Variants in TENM4 observed in about 807,000 individuals in gnomAD.
TENM4 encodes the protein teneurin transmembrane protein 4, also known as teneurin-4.
A neutral mutation model predicts 243.3 loss-of-function variants in TENM4; 82 were observed. The ratio of observed to expected loss-of-function variants is 0.34; its 90% CI spans 0.28 to 0.40. The LOEUF is 0.40. Among genes scored for constraint, TENM4 ranks in the 10% least tolerant of loss-of-function variants. The probability of loss-of-function intolerance (pLI) is 1.00; values close to 1 mark genes in which losing one functional copy is unlikely to be tolerated. For missense variants in TENM4, 3,138 were observed against 3,673.3 expected (o/e 0.85, Z 3.77); for synonymous variants, 1,412 against 1,456.3 (o/e 0.97, Z 0.69).
At chr11:79,225,253 G>C (rs1475938579) in intron 2 of TENM4, among the ~76,000 whole-genome samples, 2 of 152,222 alleles carry the variant, frequency 1.3e-5, no homozygotes, top group Non-Finnish European at 2.9e-5. Flanking sequence ...TCTGCAGTGA[G>C]AGAAGGAAGC....
At chr11:78,995,817 A>G (rs1442667299) in intron 6 of TENM4, among the ~76,000 whole-genome samples, 1 of 151,916 alleles carries the variant, frequency 6.6e-6, no homozygotes, top group Non-Finnish European at 1.5e-5. Context: ...TCCTGGATTG[A>G]CCATTTTACT....
intron 1 of TENM4, among the ~76,000 whole-genome samples, chr11:79,348,530 C>T (rs377290883): frequency 6.6e-6 from 1 of 152,140 alleles, no homozygotes; most frequent in South Asian, 2.1e-4. Flanking sequence ...GAATTAACCC[C>T]CACTGTGATG....
At chr11:79,037,421 G>A (rs1289968490) in intron 6 of TENM4, among the ~76,000 whole-genome samples, 1 of 152,236 alleles carries the variant, frequency 6.6e-6, no homozygotes, top group Non-Finnish European at 1.5e-5. Flanking sequence ...AGGGTCTAAT[G>A]AGAATCTCCT....
In TENM4 at chr11:79,364,623, A is replaced by T. The variant is rs1306056181; in HGVS notation, c.-320-67080T>A. 3.3e-5 allele frequency among the ~76,000 whole-genome samples: 5 copies of T among 152,248 alleles called. No individual in the cohort carries two copies. In the East Asian group the frequency reaches 9.6e-4, roughly 29 times the overall value. On this transcript the variant is annotated intron_variant, in intron 1 of 33. Coordinates refer to ENST00000278550, the MANE Select transcript of TENM4 (RefSeq NM_001098816.3). Reference sequence around the variant, plus strand: ...TGAGCACTTATTAAACATCTGTTACATGACATCTGCACTATCTAATTTAAT... The same window carrying T: ...TGAGCACTTATTAAACATCTGTTACTTGACATCTGCACTATCTAATTTAAT...
intron 6 of TENM4, among the ~76,000 whole-genome samples, chr11:79,064,333 G>A (rs1400769790): frequency 6.6e-6 from 1 of 152,140 alleles, no homozygotes; most frequent in East Asian, 1.9e-4. Flanking sequence ...GTTCCTAGAG[G>A]TTGCCCAGGA....
chr11:79,235,429 G>A (rs1864447138), intron 2 of TENM4, among the ~76,000 whole-genome samples: 1 of 152,192 alleles, frequency 6.6e-6, no homozygotes, highest in Non-Finnish European at 1.5e-5. Context: ...GACGGATGAA[G>A]CTCCTGCTGC....
At chr11:79,367,105 G>T (rs1466382559) in intron 1 of TENM4, among the ~76,000 whole-genome samples, 4 of 152,120 alleles carry the variant, frequency 2.6e-5, no homozygotes, top group African/African-American at 9.7e-5. Context: ...ATACAAATTG[G>T]CTGGATCACT....
At chr11:79,106,535 C>CCT in intron 4 of TENM4, among the ~76,000 whole-genome samples, 1 of 152,204 alleles carries the variant, frequency 6.6e-6, no homozygotes, top group Non-Finnish European at 1.5e-5. Flanking sequence ...AAGAGCTAAG[C>CCT]AGTGCCTGCC....
intron 6 of TENM4, among the ~76,000 whole-genome samples, chr11:78,974,723 CTTT>C (rs5792830): frequency 4.6e-5 from 6 of 129,222 alleles, no homozygotes; most frequent in Admixed American, 1.5e-4. Flanking sequence ...CTTTTCTTTT[CTTT>C]TTTTTTTTTT....
At chr11:79,345,421 A>C (rs2135467714) in intron 1 of TENM4, among the ~76,000 whole-genome samples, 1 of 152,332 alleles carries the variant, frequency 6.6e-6, no homozygotes, top group Middle Eastern at 3.4e-3. Context: ...TTATTTGATT[A>C]CTAATAACAA....
rs1373214011 is a variant in TENM4 at position 78,722,665 on chromosome 11, T to C, written c.3800+3A>G. 1.2e-6 allele frequency: 2 copies of C among 1,610,698 alleles called. No individual in the cohort carries two copies. Among genetic ancestry groups the C allele is most frequent in the Non-Finnish European group, 1.7e-6 (2 of 1,177,186 alleles). ...ACTATGAAGAAAGCATCACCTTACA[T>C]ACCTCAGCTCTAGGATGTTGGTGAC... On this transcript the variant is annotated splice_donor_region_variant and intron_variant, in intron 24 of 33. Transcript: ENST00000278550.
intron 4 of TENM4, among the ~76,000 whole-genome samples, chr11:79,080,885 T>A (rs1225373793): frequency 6.6e-6 from 1 of 152,144 alleles, no homozygotes; most frequent in Non-Finnish European, 1.5e-5. Flanking sequence ...TTTCCTGACT[T>A]TCTCTGGGCT....
Position 78,669,560 on chromosome 11 carries a change from C to T in TENM4, c.6785G>A (p.Arg2262Lys), listed in dbSNP as rs1170172424. 6.2e-7 allele frequency: 1 copy of T among 1,613,998 alleles called. No homozygotes were observed. Among genetic ancestry groups the T allele is most frequent in the Admixed American group, 1.7e-5 (1 of 60,026 alleles). Residue 2262 changes from arginine (R) to lysine (K), a missense_variant, in exon 32 of 34, where the codon AGG (arginine) becomes AAG (lysine). Around this residue, in one of 2 missense-constraint regions of TENM4, gnomAD observed 2,467 missense variants for 3,059.1 expected, o/e 0.81. Transcript: ENST00000278550. This position sits in a 1 kb window ranked among gnomAD's most constrained non-coding sequence, Gnocchi z 6.4. Reference sequence around the variant, plus strand: ...CTCAAAGATATCACCGCCCCGCTGCCTCAGGAAGCCATCCTCATCCATCTT... The same window carrying T: ...CTCAAAGATATCACCGCCCCGCTGCTTCAGGAAGCCATCCTCATCCATCTT... ...QYKMDEDGFL[R>K]QRGGDIFEYN...
chr11:78,812,180 G>T lies in TENM4; in HGVS notation c.1920C>A (p.Thr640=). 6.4e-7 allele frequency: 1 copy of T among 1,551,854 alleles called. No individual in the cohort carries two copies. Among genetic ancestry groups the T allele is most frequent in the Non-Finnish European group, 8.7e-7 (1 of 1,147,048 alleles). ...TGCAGATGCAGGTGCCCGTGATGCA[G>T]GTGCCATGGTTGCTGCAGGCCACAT... ...CIDVACSNHG[T]CITGTCICNP... The change falls in exon 14 of 34, where the codon ACC becomes ACA. Residue 640 remains threonine, a synonymous_variant. Transcript: ENST00000278550.
intron 11 of TENM4, among the ~76,000 whole-genome samples, chr11:78,854,964 A>G (rs1366392702): frequency 2.0e-5 from 3 of 152,196 alleles, no homozygotes; most frequent in African/African-American, 7.2e-5. Context: ...TGCTTGTGTG[A>G]GACTCCAGAA....
intron 4 of TENM4, among the ~76,000 whole-genome samples, chr11:79,075,950 C>T (rs1860526699): frequency 6.6e-6 from 1 of 152,222 alleles, no homozygotes; most frequent in South Asian, 2.1e-4. Flanking sequence ...GACAGCTCAC[C>T]ATCTCTCTGG....
chr11:78,981,964 C>T (rs1451738522), intron 6 of TENM4, among the ~76,000 whole-genome samples: 3 of 152,108 alleles, frequency 2.0e-5, no homozygotes, highest in East Asian at 1.9e-4. Flanking sequence ...CTGCATGCCC[C>T]GTGTCTGTCC....
chr11:79,328,654 T>G (rs2135440303), intron 1 of TENM4, among the ~76,000 whole-genome samples: 1 of 152,210 alleles, frequency 6.6e-6, no homozygotes, highest in South Asian at 2.1e-4. Flanking sequence ...GGAAGAAGCC[T>G]GTAAGCAACG....
intron 15 of TENM4, among the ~76,000 whole-genome samples, chr11:78,801,221 C>G (rs187124403): frequency 3.7e-4 from 57 of 152,180 alleles, no homozygotes; most frequent in African/African-American, 1.4e-3. Flanking sequence ...CCAGTCATTC[C>G]CCGCTTCCAA....
Sources: allele counts gnomAD v4.1 joint callset (sites outside exome capture counted in the v4.1 genomes callset), GRCh38; gene constraint gnomAD v4.1.1; regional missense constraint gnomAD v4.1.1; non-coding constraint Gnocchi (gnomAD v3.1); transcripts MANE v1.5; gene names NCBI Gene and HGNC (gene_info 2026-07-23, HGNC 2026-07-21).